Variants in ZFHX2 observed in about 807,000 individuals in gnomAD.
ZFHX2 encodes the protein zinc finger homeobox 2.
ZFHX2 carries 75 observed loss-of-function variants against 164.8 expected under a neutral mutation model. The observed-to-expected ratio is 0.46, with a 90% CI of 0.38 to 0.55. The LOEUF (loss-of-function observed/expected upper bound fraction) is 0.55. Ranked by LOEUF, ZFHX2 falls within the 20% of genes least tolerant of loss-of-function variation. ZFHX2 has a pLI of 0.00. For synonymous variants in ZFHX2, 1,217 were observed against 1,351.4 expected (o/e 0.90, Z 2.18); for missense variants, 2,933 against 3,308.0 (o/e 0.89, Z 2.78).
chr14:23,535,255 G>A lies in ZFHX2; in HGVS notation c.71C>T (p.Pro24Leu). 1 of 1,508,746 alleles carries A rather than the reference G, an allele frequency of 6.6e-7. No homozygotes were observed. The highest frequency in any genetic ancestry group is 8.9e-7 in the Non-Finnish European group (1 of 1,128,816). 93.5% of individuals were successfully genotyped at this position (1,508,746 alleles called of 1,614,324 possible). Reference sequence around the variant, plus strand: ...GGTGCTGGAGGAGAAGGTGTCCGAAGGCAGGGACGGGGCATTGTGCCCAGG... The same window carrying A: ...GGTGCTGGAGGAGAAGGTGTCCGAAAGCAGGGACGGGGCATTGTGCCCAGG... ...PSPGHNAPSL[P>L]SDTFSSSTPS... The change falls in exon 2 of 10, where the codon CCT (proline) becomes CTT (leucine). Residue 24 changes from proline (P) to leucine (L), a missense_variant. Coordinates refer to ENST00000419474, the MANE Select transcript of ZFHX2 (RefSeq NM_033400.3). The surrounding 1 kb of genome is among the most constrained non-coding windows in gnomAD (Gnocchi z 4.5).
In ZFHX2 at chr14:23,531,595, C is replaced by T. The variant is rs923009087; in HGVS notation, c.2686G>A (p.Asp896Asn). Reference sequence around the variant, plus strand: ...TGCAGACGCCTCTGGGCCTGGGCATCGCGGTGGGCAGGTGTGCGCAGGTGT... The same window carrying T: ...TGCAGACGCCTCTGGGCCTGGGCATTGCGGTGGGCAGGTGTGCGCAGGTGT... ...LQHLRTPAHR[D>N]AQAQRRLQLL... The change falls in exon 4 of 10, where the codon GAT becomes AAT. Residue 896 changes from aspartate (D) to asparagine (N), a missense_variant. By Grantham distance (23) the Asp-to-Asn change is conservative. Coordinates refer to ENST00000419474, the MANE Select transcript of ZFHX2 (RefSeq NM_033400.3). 6 of 1,526,252 alleles carry T rather than the reference C, an allele frequency of 3.9e-6. No homozygotes were observed. In the African/African-American group the frequency reaches 4.1e-5, roughly 10 times the overall value. The allele number at this position is 1,526,252 out of a possible 1,614,324, so 94.5% of individuals were successfully genotyped here. A position where few individuals can be genotyped will look rare whatever the true frequency, so the allele number is the denominator to read the frequency against.
chr14:23,544,356 C>CATTGAGATTGAT, intron 1 of ZFHX2: 1 of 151,238 alleles, frequency 6.6e-6, no homozygotes, highest in Admixed American at 6.6e-5. Context: ...TTGAGATTGG[C>CATTGAGATTGAT]ACTTTGGGTG....
chr14:23,529,794 A>G, intron 5 of ZFHX2, 26 bp from the exon 6 acceptor site: 1 of 1,534,786 alleles, frequency 6.5e-7, no homozygotes, highest in Non-Finnish European at 8.7e-7. Flanking sequence ...GAGGAGATTA[A>G]GGAACCCTGA....
At chr14:23,549,163 G>C (rs146910879) in intron 1 of ZFHX2, among the ~76,000 whole-genome samples, 4 of 151,750 alleles carry the variant, frequency 2.6e-5, no homozygotes, top group African/African-American at 9.7e-5. Context: ...CTTCTGTATT[G>C]CTATCAACAC....
Position 23,521,858 on chromosome 14 carries a change from G to A in ZFHX2, c.*104C>T, listed in dbSNP as rs186054660. 3.8e-4 allele frequency: 568 copies of A among 1,485,960 alleles called. 4 individuals are homozygous for A. The highest frequency in any genetic ancestry group is 2.9e-3 in the South Asian group (218 of 74,308). The allele number at this position is 1,485,960 out of a possible 1,614,324, so 92.0% of individuals were successfully genotyped here. A position where few individuals can be genotyped will look rare whatever the true frequency, so the allele number is the denominator to read the frequency against. On this transcript the variant is annotated 3_prime_UTR_variant, in exon 10 of 10. Transcript: ENST00000419474. ...ACTGAACAGTTCCTGTGAGGTGGGCGGGGCCAGGGGGTGGGGTGAGGGATT... is the reference window on the plus strand; with the variant it reads ...ACTGAACAGTTCCTGTGAGGTGGGCAGGGCCAGGGGGTGGGGTGAGGGATT...
chr14:23,526,530 C>T lies in ZFHX2; in HGVS notation c.3412G>A (p.Glu1138Lys). Residue 1138 changes from glutamate (E) to lysine (K), a missense_variant, in exon 9 of 10, where the codon GAA becomes AAA. Glu to Lys is a moderately conservative substitution (Grantham distance 56). Transcript: ENST00000419474. Reference sequence around the variant, plus strand: ...ATGGTGGGCGGAGGAGCTACGTCTTCAGCTTGGGCATCAGGTTCAGGGACT... The same window carrying T: ...ATGGTGGGCGGAGGAGCTACGTCTTTAGCTTGGGCATCAGGTTCAGGGACT... ...SPVPEPDAQA[E>K]DVAPPPTMAE... 2 of 1,535,922 alleles carry T rather than the reference C, an allele frequency of 1.3e-6. No homozygotes were observed. The highest frequency in any genetic ancestry group is 1.4e-5 in the African/African-American group (1 of 73,020).
chr14:23,531,733 G>C lies in ZFHX2; in HGVS notation c.2560-12C>G. The stretch of plus-strand genomic sequence containing the variant: ...ATGTCCAGCAGAAACTAGAACCATG[G>C]GAAGAGGCTGGCTCAGGCCCAGAAG... On this transcript the variant is annotated splice_polypyrimidine_tract_variant and intron_variant, in intron 3 of 9. Coordinates refer to ENST00000419474, the MANE Select transcript of ZFHX2 (RefSeq NM_033400.3). 7.5e-7 allele frequency: 1 copy of C among 1,328,194 alleles called. No homozygotes were observed. The highest frequency in any genetic ancestry group is 9.7e-7 in the Non-Finnish European group (1 of 1,035,900). 82.3% of individuals were successfully genotyped at this position (1,328,194 alleles called of 1,614,324 possible).
upstream of ZFHX2, chr14:23,555,584 T>A (rs890691542): frequency 3.3e-5 from 5 of 152,174 alleles, no homozygotes; most frequent in Admixed American, 3.3e-4. Context: ...TCTCACCCAC[T>A]CTTACCCTCA....
chr14:23,542,133 A>G (rs1391400124), intron 1 of ZFHX2: 1 of 152,336 alleles, frequency 6.6e-6, no homozygotes, highest in East Asian at 1.9e-4. Context: ...CTAGGTCTTG[A>G]TTTGCATATA....
chr14:23,525,130 C>T lies in ZFHX2; in HGVS notation c.4812G>A (p.Glu1604=), dbSNP rs1424621120. ...GRRFSRTKFT[E]FQTQALQSFF... ...AAGACTGCAGGGCTTGGGTCTGGAA[C>T]TCTGTGAACTTGGTTCTGGAGAACC... Residue 1604 remains glutamate, a synonymous_variant, in exon 9 of 10, where the codon GAG becomes GAA. Coordinates refer to ENST00000419474, the MANE Select transcript of ZFHX2 (RefSeq NM_033400.3). The surrounding 1 kb of genome is among the most constrained non-coding windows in gnomAD (Gnocchi z 5.9). The T allele has an allele frequency of 2.0e-6, 3 of 1,536,174 alleles. No homozygotes were observed. Among genetic ancestry groups the T allele is most frequent in the Admixed American group, 2.0e-5 (1 of 51,008 alleles).
At chr14:23,554,065 A>AG (rs34273553), upstream of ZFHX2, among the ~76,000 whole-genome samples, 10 of 145,052 alleles carry the variant, frequency 6.9e-5, no homozygotes, top group African/African-American at 2.4e-4. Context: ...AAAAAAAAAA[A>AG]GCAGATGCTT....
chr14:23,545,227 C>T (rs1028725006), intron 1 of ZFHX2, among the ~76,000 whole-genome samples: 3 of 152,162 alleles, frequency 2.0e-5, no homozygotes, highest in Non-Finnish European at 4.4e-5. Context: ...CGTTAATTTG[C>T]CACTTCAGTT....
chr14:23,533,119 G>T lies in ZFHX2; in HGVS notation c.2042-35C>A. On this transcript the variant is annotated intron_variant, in intron 2 of 9. Transcript: ENST00000419474. This position sits in a 1 kb window ranked among gnomAD's most constrained non-coding sequence, Gnocchi z 4.8. ...AGAGACAGATTAGTGGCCCAAGAAAGAAATGGGGCACGGTTGGTTCTCTAT... is the reference window on the plus strand; with the variant it reads ...AGAGACAGATTAGTGGCCCAAGAAATAAATGGGGCACGGTTGGTTCTCTAT... 2.7e-6 allele frequency: 4 copies of T among 1,483,676 alleles called. No individual in the cohort carries two copies. The South Asian group carries it at 4.0e-5, about 15-fold the overall frequency. 91.9% of individuals were successfully genotyped at this position (1,483,676 alleles called of 1,614,324 possible).
chr14:23,527,046 C>CGAGAT, intron 7 of ZFHX2, 73 bp from the exon 8 acceptor site: 1 of 1,427,408 alleles, frequency 7.0e-7, no homozygotes, highest in Non-Finnish European at 9.1e-7. Flanking sequence ...ACCCATCTGC[C>CGAGAT]CTACACCTGT....
intron 1 of ZFHX2, among the ~76,000 whole-genome samples, chr14:23,549,757 T>C (rs960838716): frequency 6.6e-6 from 1 of 152,208 alleles, no homozygotes; most frequent in African/African-American, 2.4e-5. Flanking sequence ...GGAGGGGTTA[T>C]ATGCCCCTGG....
Position 23,534,163 on chromosome 14 carries a change from G to C in ZFHX2, c.1163C>G (p.Pro388Arg), listed in dbSNP as rs578106293. ...GGAGGTGGGTGAGCTTTGGTTGAGT[G>C]GGGGGCAGAGCCCTCCATCCTCTTC... ...GQEEDGGLCP[P>R]LNQSSPTSKE... Residue 388 changes from proline (P) to arginine (R), a missense_variant, in exon 2 of 10, where the codon CCA (proline) becomes CGA (arginine). Physicochemically the swap from Pro to Arg is moderately radical, Grantham distance 103. Transcript: ENST00000419474. The surrounding 1 kb of genome is among the most constrained non-coding windows in gnomAD (Gnocchi z 4.5). 1.4e-5 allele frequency: 21 copies of C among 1,472,768 alleles called. No homozygotes were observed. The Admixed American group carries it at 2.8e-4, about 20-fold the overall frequency. 91.2% of individuals were successfully genotyped at this position (1,472,768 alleles called of 1,614,324 possible).
In ZFHX2 at chr14:23,532,886, T is replaced by A; in HGVS notation, c.2240A>T (p.Glu747Val). 1 of 1,536,220 alleles carries A rather than the reference T, an allele frequency of 6.5e-7. No individual in the cohort carries two copies. The stretch of plus-strand genomic sequence containing the variant: ...ACCAGCCACCTCCTTCCATTCAGCT[T>A]CCGGGAGGCTCCGGCCTATGCTGCA... ...YHCSIGRSLP[E>V]AEWKEVAGDT... Residue 747 changes from glutamate to valine, a missense_variant, in exon 3 of 10, where the codon GAA (glutamate) becomes GTA (valine). Coordinates refer to ENST00000419474, the MANE Select transcript of ZFHX2 (RefSeq NM_033400.3).
In ZFHX2 at chr14:23,521,878, G is replaced by A. The variant is rs951392824; in HGVS notation, c.*84C>T. The A allele has an allele frequency of 8.0e-6, 12 of 1,508,246 alleles. No individual in the cohort carries two copies. Among genetic ancestry groups the A allele is most frequent in the Non-Finnish European group, 9.7e-6 (11 of 1,133,934 alleles). 93.4% of individuals were successfully genotyped at this position (1,508,246 alleles called of 1,614,324 possible). On this transcript the variant is annotated 3_prime_UTR_variant, in exon 10 of 10. Transcript: ENST00000419474. ...TGGGCGGGGCCAGGGGGTGGGGTGA[G>A]GGATTTGAGCTCCCACCGAACACCC...
At chr14:23,547,774 C>G (rs1472667401) in intron 1 of ZFHX2, among the ~76,000 whole-genome samples, 2 of 152,212 alleles carry the variant, frequency 1.3e-5, no homozygotes, top group Non-Finnish European at 2.9e-5. Flanking sequence ...CCCAGCCTCT[C>G]CCTACTAATT....
Sources: gnomAD v4.1 joint callset for allele counts (sites outside exome capture counted in the v4.1 genomes callset) on GRCh38, gnomAD v4.1.1 for gene constraint, Gnocchi (gnomAD v3.1) non-coding constraint, MANE v1.5 for transcripts, NCBI Gene and HGNC (gene_info 2026-07-23, HGNC 2026-07-21) for gene names.